FARS2: variants seen among roughly 807,000 people sequenced by gnomAD.
FARS2 encodes phenylalanine--tRNA ligase, mitochondrial.
Under a neutral mutation model 46.4 loss-of-function variants are expected in FARS2, and 40 were observed. The observed-to-expected ratio is 0.86, with a 90% CI of 0.67 to 1.12. The LOEUF is 1.12. Among genes scored for constraint, FARS2 ranks in the 50% most tolerant of loss-of-function variants. The pLI, the probability that FARS2 is intolerant of heterozygous loss-of-function variation, is 0.00. For synonymous variants in FARS2, 234 were observed against 214.9 expected (o/e 1.09, Z -0.78); for missense variants, 513 against 567.9 (o/e 0.90, Z 0.98).
intron 6 of FARS2, among the ~76,000 whole-genome samples, chr6:5,743,898 G>A (rs994356874): frequency 6.6e-6 from 1 of 152,212 alleles, no homozygotes; most frequent in African/African-American, 2.4e-5. Context: ...CTCATTGAGT[G>A]CTAATCACAT....
chr6:5,296,391 T>C (rs2127524527), intron 1 of FARS2, among the ~76,000 whole-genome samples: 1 of 152,298 alleles, frequency 6.6e-6, no homozygotes, highest in Non-Finnish European at 1.5e-5. Context: ...TCCGCCCGCC[T>C]TGGCCTCCCA....
intron 4 of FARS2, among the ~76,000 whole-genome samples, chr6:5,439,895 A>C (rs1392744907): frequency 6.6e-6 from 1 of 152,064 alleles, no homozygotes; most frequent in Non-Finnish European, 1.5e-5. Flanking sequence ...CCTTTAAGTC[A>C]GTCTTGCCCC....
chr6:5,468,888 A>T (rs1293389024), intron 4 of FARS2, among the ~76,000 whole-genome samples: 1 of 152,154 alleles, frequency 6.6e-6, no homozygotes, highest in Non-Finnish European at 1.5e-5. Flanking sequence ...GGAATGATGA[A>T]GTTTAAGGAT....
At chr6:5,349,657 A>G (rs913833323) in intron 1 of FARS2, among the ~76,000 whole-genome samples, 1 of 152,176 alleles carries the variant, frequency 6.6e-6, no homozygotes, top group Non-Finnish European at 1.5e-5. Flanking sequence ...AACGAAATCC[A>G]CACTTCATTC....
intron 1 of FARS2, among the ~76,000 whole-genome samples, chr6:5,304,920 T>G (rs1418865305): frequency 6.6e-6 from 1 of 152,174 alleles, no homozygotes; most frequent in African/African-American, 2.4e-5. Flanking sequence ...AGTGGCTCCC[T>G]TCTTTTTGGG....
At chr6:5,762,946 G>A (rs79009717) in intron 6 of FARS2, among the ~76,000 whole-genome samples, 1,939 of 152,308 alleles carry the variant, frequency 0.013, 22 homozygotes, top group Non-Finnish European at 0.019. Flanking sequence ...AGGACAGACC[G>A]TTGTGAGAAC....
chr6:5,333,735 C>G (rs1389384674), intron 1 of FARS2, among the ~76,000 whole-genome samples: 4 of 152,120 alleles, frequency 2.6e-5, no homozygotes, highest in Non-Finnish European at 4.4e-5. Context: ...TTTGACTGGC[C>G]TGTTTGTATT....
chr6:5,470,152 A>G (rs1376701545), intron 4 of FARS2, among the ~76,000 whole-genome samples: 1 of 152,236 alleles, frequency 6.6e-6, no homozygotes, highest in Non-Finnish European at 1.5e-5. Context: ...AATTTCTTTA[A>G]TACAGTTGGC....
At chr6:5,539,209 T>C (rs543743826) in intron 4 of FARS2, among the ~76,000 whole-genome samples, 3 of 150,990 alleles carry the variant, frequency 2.0e-5, no homozygotes, top group Admixed American at 2.0e-4. Flanking sequence ...CAGTGAACAT[T>C]TCTTTTTTTT....
chr6:5,535,650 A>G (rs2150470843), intron 4 of FARS2, among the ~76,000 whole-genome samples: 1 of 152,236 alleles, frequency 6.6e-6, no homozygotes, highest in East Asian at 1.9e-4. Flanking sequence ...ATTGAGTATG[A>G]TGTTGGTTGT....
chr6:5,626,444 A>G (rs1157252312), intron 6 of FARS2, among the ~76,000 whole-genome samples: 1 of 152,100 alleles, frequency 6.6e-6, no homozygotes, highest in Non-Finnish European at 1.5e-5. Context: ...CCCCCAGGGG[A>G]CACCACCGTT....
intron 4 of FARS2, among the ~76,000 whole-genome samples, chr6:5,519,141 C>G (rs1376747337): frequency 6.6e-6 from 1 of 152,080 alleles, no homozygotes; most frequent in Admixed American, 6.6e-5. Context: ...AGGATGGTGA[C>G]CAGGCTCTAA....
At chr6:5,441,995 C>T (rs958596093) in intron 4 of FARS2, among the ~76,000 whole-genome samples, 1 of 152,116 alleles carries the variant, frequency 6.6e-6, no homozygotes, top group Non-Finnish European at 1.5e-5. Flanking sequence ...AGCCTAGAGG[C>T]TGAAGTGGGA....
intron 6 of FARS2, among the ~76,000 whole-genome samples, chr6:5,619,991 T>C (rs1182928912): frequency 6.6e-6 from 1 of 152,154 alleles, no homozygotes; most frequent in Non-Finnish European, 1.5e-5. Context: ...CTGTTTTCCA[T>C]ATGTGCGCAT....
intron 5 of FARS2, among the ~76,000 whole-genome samples, chr6:5,607,375 G>A (rs1774904565): frequency 6.6e-6 from 1 of 151,406 alleles, no homozygotes; most frequent in South Asian, 2.1e-4. Flanking sequence ...ACACCAGGGG[G>A]AAAATATTAG....
chr6:5,307,833 C>T (rs916007916), intron 1 of FARS2, among the ~76,000 whole-genome samples: 4 of 151,892 alleles, frequency 2.6e-5, no homozygotes, highest in East Asian at 1.9e-4. Flanking sequence ...CACAAGCTGC[C>T]GTGCAGCCTC....
chr6:5,320,336 A>T (rs1200800042), intron 1 of FARS2, among the ~76,000 whole-genome samples: 1 of 152,210 alleles, frequency 6.6e-6, no homozygotes, highest in East Asian at 1.9e-4. Context: ...CTGCAGAAGT[A>T]TTAATGATGG....
rs138821133 is a variant in FARS2, at chr6:5,379,506, A to G, written c.612+10324A>G. The stretch of plus-strand genomic sequence containing the variant: ...TCTATAAGGAGGAGCTGCTACCCTT[A>G]GGACTAAGACGGGGACCCAGAGAAG... On this transcript the variant is annotated intron_variant, in intron 2 of 6. Transcript: ENST00000274680. 6.8e-4 allele frequency among the ~76,000 whole-genome samples: 104 copies of G among 152,324 alleles called. 1 individual carries two copies. The East Asian group carries it at 0.019, about 28-fold the overall frequency.
chr6:5,520,852 A>G (rs1769089799), intron 4 of FARS2, among the ~76,000 whole-genome samples: 1 of 152,214 alleles, frequency 6.6e-6, no homozygotes, highest in Non-Finnish European at 1.5e-5. Context: ...GAGAATATTG[A>G]CATGTATGTG....
Sources: gnomAD v4.1 joint callset for allele counts (sites outside exome capture counted in the v4.1 genomes callset) on GRCh38, gnomAD v4.1.1 for gene constraint, MANE v1.5 for transcripts, NCBI Gene and HGNC (gene_info 2026-07-23, HGNC 2026-07-21) for gene names.